The following KANSL1 variants were observed in gnomAD, a reference collection of about 807,000 sequenced individuals.
KANSL1 encodes the protein KAT8 regulatory NSL complex subunit 1, also known as MLL1/MLL complex subunit KANSL1.
Under a neutral mutation model 103.6 loss-of-function variants are expected in KANSL1, and 22 were observed. The ratio of observed to expected loss-of-function variants is 0.21; its 90% confidence interval spans 0.15 to 0.30. The LOEUF is 0.30. KANSL1 is among the 10% of genes least tolerant of loss of function. The pLI, the probability that KANSL1 is intolerant of heterozygous loss-of-function variation, is 1.00. For missense variants in KANSL1, 1,337 were observed against 1,399.8 expected (o/e 0.96, Z 0.72); for synonymous variants, 600 against 527.6 (o/e 1.14, Z -1.88).
rs533320876 is a variant in KANSL1, at chr17:46,053,926, C to T, written c.1849-3222G>A. Among the ~76,000 whole-genome samples the T allele has an allele frequency of 4.6e-5, 7 of 152,058 alleles. No homozygotes were observed. The South Asian group carries it at 1.5e-3, about 32-fold the overall frequency. ...GCATGAATTCATTTAAGTTAAAAAA[C>T]AACAAGAACACATACAATATTGTGT... On this transcript the variant is annotated intron_variant, in intron 6 of 14. Coordinates refer to ENST00000432791, the MANE Select transcript of KANSL1 (RefSeq NM_015443.4).
chr17:46,200,110 C>T (rs1567798192), intron 1 of KANSL1, among the ~76,000 whole-genome samples: 1 of 151,840 alleles, frequency 6.6e-6, no homozygotes, highest in African/African-American at 2.4e-5. Context: ...ATGTTTTTAA[C>T]TTTAGAATAT....
At chr17:46,152,741 A>G (rs147839914) in intron 2 of KANSL1, among the ~76,000 whole-genome samples, 1,578 of 152,366 alleles carry the variant, frequency 0.01, 25 homozygotes, top group African/African-American at 0.034. Flanking sequence ...CGAGGGTTTC[A>G]TAAGTTACTG....
At chr17:46,178,584 G>A (rs558301454) in intron 1 of KANSL1, among the ~76,000 whole-genome samples, 2 of 152,134 alleles carry the variant, frequency 1.3e-5, no homozygotes, top group African/African-American at 2.4e-5. Flanking sequence ...AAAAGAAAAG[G>A]CTACCTATTC....
chr17:46,217,874 A>C (rs1278923892), intron 1 of KANSL1, among the ~76,000 whole-genome samples: 2 of 152,228 alleles, frequency 1.3e-5, no homozygotes, highest in African/African-American at 4.8e-5. Flanking sequence ...AAAATACAAA[A>C]AATTACCTGG....
At chr17:46,159,937 G>C (rs2045642024) in intron 2 of KANSL1, among the ~76,000 whole-genome samples, 1 of 152,220 alleles carries the variant, frequency 6.6e-6, no homozygotes, top group Non-Finnish European at 1.5e-5. Flanking sequence ...TGTGGTCAGA[G>C]AGCTGTCTAA....
At chr17:46,060,891 G>A (rs2078134055) in intron 6 of KANSL1, among the ~76,000 whole-genome samples, 1 of 152,136 alleles carries the variant, frequency 6.6e-6, no homozygotes, top group Non-Finnish European at 1.5e-5. Context: ...GAATTCTATG[G>A]AAGCCAGCTT....
Position 46,062,118 on chromosome 17 carries a change from C to CAAA in KANSL1, c.1848+4416_1848+4418dup, listed in dbSNP as rs66529773. On this transcript the variant is annotated intron_variant, in intron 6 of 14. Coordinates refer to ENST00000432791, the MANE Select transcript of KANSL1 (RefSeq NM_015443.4). ...AAAAAAAAAAAAAAAAACAAACAAA[C>CAAA]AAAAAAAAAAAAAAAACATGTTACA... Among the ~76,000 whole-genome samples, 643 of 108,740 alleles carry CAAA rather than the reference C, an allele frequency of 5.9e-3. 25 individuals are homozygous for CAAA. The highest frequency in any genetic ancestry group is 0.025 in the South Asian group (74 of 2,908). 71.3% of individuals were successfully genotyped at this position (108,740 alleles called of 152,430 possible).
At chr17:46,085,933 T>C (rs1377834184) in intron 3 of KANSL1, among the ~76,000 whole-genome samples, 3 of 152,220 alleles carry the variant, frequency 2.0e-5, no homozygotes, top group Non-Finnish European at 2.9e-5. Context: ...CAGCCTTTAA[T>C]TGTTAACTAA....
At chr17:46,151,587 C>T (rs1597810436) in intron 2 of KANSL1, among the ~76,000 whole-genome samples, 2 of 152,196 alleles carry the variant, frequency 1.3e-5, no homozygotes, top group East Asian at 1.9e-4. Context: ...GATAAAACTC[C>T]CTGAAAACTG....
At chr17:46,179,576 A>G (rs1191648356) in intron 1 of KANSL1, among the ~76,000 whole-genome samples, 1 of 152,202 alleles carries the variant, frequency 6.6e-6, no homozygotes, top group Non-Finnish European at 1.5e-5. Context: ...CAAAGGACGG[A>G]AAGAAACAGC....
chr17:46,195,614 G>C (rs866273670), upstream of KANSL1, among the ~76,000 whole-genome samples: 1 of 152,232 alleles, frequency 6.6e-6, no homozygotes, highest in Admixed American at 6.5e-5. Context: ...CCAGGCTAGA[G>C]TGCAGTGGTG....
intron 6 of KANSL1, among the ~76,000 whole-genome samples, chr17:46,054,123 G>GA (rs1002197087): frequency 5.1e-4 from 75 of 148,022 alleles, no homozygotes; most frequent in Admixed American, 8.7e-4. Context: ...TCTCTTAAAA[G>GA]AAAAAAAAAA....
At chr17:46,087,737 T>C (rs1438539632) in intron 3 of KANSL1, among the ~76,000 whole-genome samples, 3 of 152,252 alleles carry the variant, frequency 2.0e-5, no homozygotes, top group Non-Finnish European at 4.4e-5. Flanking sequence ...CTATACTTAT[T>C]CATTAACTAT....
chr17:46,216,836 T>C (rs1216940912), intron 1 of KANSL1, among the ~76,000 whole-genome samples: 1 of 151,730 alleles, frequency 6.6e-6, no homozygotes, highest in Non-Finnish European at 1.5e-5. Flanking sequence ...CTGGGCACAG[T>C]GGCGCATTCC....
intron 2 of KANSL1, among the ~76,000 whole-genome samples, chr17:46,137,332 C>G (rs1326969875): frequency 6.6e-6 from 1 of 152,248 alleles, no homozygotes; most frequent in Non-Finnish European, 1.5e-5. Context: ...TCTCCCACTT[C>G]TTTAAACCAG....
chr17:46,209,053 C>T (rs1316154419), intron 1 of KANSL1, among the ~76,000 whole-genome samples: 2 of 151,788 alleles, frequency 1.3e-5, no homozygotes, highest in African/African-American at 2.4e-5. Context: ...CGTGATGGCG[C>T]ATGCCTGCAG....
At chr17:46,169,742 A>C (rs1342092152) in intron 2 of KANSL1, 1 of 152,276 alleles carries the variant, frequency 6.6e-6, no homozygotes, top group Non-Finnish European at 1.5e-5. Context: ...GTATGTTATA[A>C]TATAGTACTG....
chr17:46,145,921 G>T (rs1468025689), intron 2 of KANSL1, among the ~76,000 whole-genome samples: 1 of 152,170 alleles, frequency 6.6e-6, no homozygotes, highest in African/African-American at 2.4e-5. Context: ...TAGAGACAGG[G>T]TTTCACCATG....
At chr17:46,217,551 T>C (rs2048379556) in intron 1 of KANSL1, among the ~76,000 whole-genome samples, 1 of 151,482 alleles carries the variant, frequency 6.6e-6, no homozygotes, top group Non-Finnish European at 1.5e-5. Context: ...AATCCCAATA[T>C]GACTTGTCCT....
Sources: gnomAD v4.1 joint callset for allele counts (sites outside exome capture counted in the v4.1 genomes callset) on GRCh38, gnomAD v4.1.1 for gene constraint, MANE v1.5 for transcripts, NCBI Gene and HGNC (gene_info 2026-07-23, HGNC 2026-07-21) for gene names.